Variants in SVEP1 observed in about 807,000 individuals in gnomAD.
SVEP1 encodes the protein sushi, von Willebrand factor type A, EGF and pentraxin domain-containing protein 1.
In SVEP1, 164 loss-of-function variants were observed where a neutral mutation model predicts 367.3. That is an observed-to-expected ratio of 0.45 (90% CI 0.39 to 0.51). The LOEUF (loss-of-function observed/expected upper bound fraction) is 0.51. Among genes scored for constraint, SVEP1 ranks in the 20% least tolerant of loss-of-function variants. SVEP1 has a pLI of 0.00. For synonymous variants in SVEP1, 1,666 were observed against 1,611.6 expected, an observed-to-expected ratio of 1.03 and a Z score of -0.81; for missense variants, 4,117 against 4,425.3, an observed-to-expected ratio of 0.93 and a Z score of 1.98.
chr9:110,515,198 T>C (rs1829783789), intron 3 of SVEP1, among the ~76,000 whole-genome samples: 1 of 152,158 alleles, frequency 6.6e-6, no homozygotes. Flanking sequence ...TCAAGAGACT[T>C]GCAATGCTCA....
Position 110,476,092 on chromosome 9 carries a change from T to G in SVEP1, c.2599+112A>C, listed in dbSNP as rs1258588867. 6.2e-6 allele frequency: 4 copies of G among 641,772 alleles called. No homozygotes were observed. In the African/African-American group the frequency reaches 7.4e-5, roughly 12 times the overall value. The allele number at this position is 641,772 out of a possible 1,614,324, so 39.8% of individuals were successfully genotyped here. The stretch of plus-strand genomic sequence containing the variant: ...AAATTATTTAGCCATCCTAAAATAC[T>G]TGATGAATAAATTAATAGAAGTTAA... On this transcript the variant is annotated intron_variant, in intron 14 of 47. Transcript: ENST00000374469.
intron 35 of SVEP1, among the ~76,000 whole-genome samples, chr9:110,428,429 C>CACACACACAA (rs60798857): frequency 0.011 from 1,606 of 151,198 alleles, 27 homozygotes; most frequent in African/African-American, 0.032. Flanking sequence ...CACACACACA[C>CACACACACAA]CATTAATCTC....
intron 13 of SVEP1, among the ~76,000 whole-genome samples, chr9:110,478,840 C>T (rs73655367): frequency 0.028 from 4,282 of 152,070 alleles, 192 homozygotes; most frequent in African/African-American, 0.098. Context: ...GTCTGCAGGG[C>T]ATACAAATAT....
chr9:110,521,951 C>G (rs1829881199), intron 3 of SVEP1, among the ~76,000 whole-genome samples: 1 of 152,064 alleles, frequency 6.6e-6, no homozygotes. Flanking sequence ...CAGCTTTTCT[C>G]TAAACATTTT....
chr9:110,507,817 A>G (rs538134565), intron 5 of SVEP1, among the ~76,000 whole-genome samples: 1 of 152,306 alleles, frequency 6.6e-6, no homozygotes, highest in Non-Finnish European at 1.5e-5. Context: ...AAATTTGGAA[A>G]ACCATATTAA....
At position 110,406,562 on chromosome 9, in the gene SVEP1, T is replaced by C; in HGVS notation, c.9038A>G (p.Glu3013Gly). ...ATCTGTCCCATTGACAGTTCCATAT[T>C]CAATTACTGGTGTGGAACATCTGCA... is the stretch of plus-strand genomic sequence containing the variant. ...LPCRCSTPVI[E>G]YGTVNGTDFD... Residue 3013 changes from glutamate to glycine, a missense_variant, in exon 38 of 48, where the codon GAA becomes GGA. Physicochemically the swap from Glu to Gly is moderately conservative, Grantham distance 98 (BLOSUM62 -2). Around this residue, in one of 4 missense-constraint regions of SVEP1, gnomAD observed 1,765 missense variants for 1,781.1 expected, o/e 0.99. Coordinates refer to ENST00000374469, the MANE Select transcript of SVEP1 (RefSeq NM_153366.4). The C allele has an allele frequency of 6.2e-7, 1 of 1,613,608 alleles. No homozygotes were observed. Among genetic ancestry groups the C allele is most frequent in the Non-Finnish European group, 8.5e-7 (1 of 1,179,758 alleles).
At chr9:110,565,821 A>G (rs1588111270) in intron 1 of SVEP1, among the ~76,000 whole-genome samples, 1 of 143,060 alleles carries the variant, frequency 7.0e-6, no homozygotes, top group South Asian at 2.2e-4. Context: ...TTCACTGGTG[A>G]GTATGTATCA....
intron 14 of SVEP1, among the ~76,000 whole-genome samples, chr9:110,474,757 A>C (rs1258613646): frequency 6.6e-6 from 1 of 152,214 alleles, no homozygotes; most frequent in Non-Finnish European, 1.5e-5. Flanking sequence ...AGTGCTGTAC[A>C]TAATAGTAAA....
rs1353519774 is a variant in SVEP1 at position 110,366,555 on chromosome 9, C to T, written c.10700G>A (p.Arg3567Lys). The T allele has an allele frequency of 6.5e-7, 1 of 1,529,606 alleles. No individual in the cohort carries two copies. Among genetic ancestry groups the T allele is most frequent in the Admixed American group, 2.2e-5 (1 of 45,914 alleles). The allele number at this position is 1,529,606 out of a possible 1,614,324, so 94.8% of individuals were successfully genotyped here. A position where few individuals can be genotyped will look rare whatever the true frequency, so the allele number is the denominator to read the frequency against. The change falls in exon 48 of 48, where the codon AGG becomes AAG. Residue 3567 changes from arginine (R) to lysine (K), a missense_variant. Arg to Lys is a conservative substitution (Grantham distance 26). Coordinates refer to ENST00000374469, the MANE Select transcript of SVEP1 (RefSeq NM_153366.4). ...GTGCAGTGGTTAAAACCCAGTCCTCCTTTTCCTGGAAAAAAAAAAAAAAGC... is the reference window on the plus strand; with the variant it reads ...GTGCAGTGGTTAAAACCCAGTCCTCTTTTTCCTGGAAAAAAAAAAAAAAGC... ...SWTGHNCSRKRRTGF is the reference protein window; with the variant it reads ...SWTGHNCSRKKRTGF
Position 110,472,232 on chromosome 9 carries a change from A to G in SVEP1, c.2691T>C (p.Asn897=). Reference sequence around the variant, plus strand: ...TTCTTTTAATCCGTGAGGACTTGGCATTGCCGATGCTTGTGGCTGTTTCTT... The same window carrying G: ...TTCTTTTAATCCGTGAGGACTTGGCGTTGCCGATGCTTGTGGCTGTTTCTT... ...TVQETATSIG[N]AKSSRIKRSA... The change falls in exon 15 of 48, where the codon AAT becomes AAC. Residue 897 remains asparagine (N), a synonymous_variant. Coordinates refer to ENST00000374469, the MANE Select transcript of SVEP1 (RefSeq NM_153366.4). 1 of 1,613,626 alleles carries G rather than the reference A, an allele frequency of 6.2e-7. No individual in the cohort carries two copies. Among genetic ancestry groups the G allele is most frequent in the East Asian group, 2.2e-5 (1 of 44,868 alleles).
intron 9 of SVEP1, among the ~76,000 whole-genome samples, chr9:110,486,564 T>A (rs1223055883): frequency 1.3e-5 from 2 of 151,862 alleles, no homozygotes; most frequent in Non-Finnish European, 2.9e-5. Context: ...TGTCTGTCTC[T>A]CTCACTCCCT....
intron 39 of SVEP1, among the ~76,000 whole-genome samples, chr9:110,402,702 C>A (rs1271777857): frequency 1.3e-5 from 2 of 152,160 alleles, no homozygotes; most frequent in African/African-American, 4.8e-5. Flanking sequence ...ATTTGATTCC[C>A]TTAATTATGG....
At chr9:110,569,571 A>G (rs897936434) in intron 1 of SVEP1, among the ~76,000 whole-genome samples, 87 of 152,332 alleles carry the variant, frequency 5.7e-4, no homozygotes, top group African/African-American at 2.0e-3. Flanking sequence ...AGTAGCTTAC[A>G]ACTGGGAAAA....
intron 18 of SVEP1, among the ~76,000 whole-genome samples, chr9:110,465,462 G>A (rs1203411156): frequency 6.6e-6 from 1 of 152,116 alleles, no homozygotes; most frequent in Non-Finnish European, 1.5e-5. Flanking sequence ...CCTTCAACTC[G>A]TAAGGAATGA....
chr9:110,371,689 C>T (rs1304826646), intron 46 of SVEP1, among the ~76,000 whole-genome samples: 1 of 152,170 alleles, frequency 6.6e-6, no homozygotes, highest in Non-Finnish European at 1.5e-5. Context: ...CACTCCAGTG[C>T]CCAAGCTGGA....
intron 18 of SVEP1, among the ~76,000 whole-genome samples, chr9:110,462,705 C>T (rs1828876020): frequency 6.6e-6 from 1 of 151,496 alleles, no homozygotes; most frequent in Non-Finnish European, 1.5e-5. Flanking sequence ...TTTTCACCTC[C>T]TCTATTGTAG....
At position 110,375,437 on chromosome 9, in the gene SVEP1, C is replaced by T. The variant is rs555132455; in HGVS notation, c.10531G>A (p.Gly3511Arg). 2.3e-5 allele frequency: 30 copies of T among 1,289,466 alleles called. No homozygotes were observed. Among genetic ancestry groups the T allele is most frequent in the African/African-American group, 6.3e-5 (4 of 63,352 alleles). 79.9% of individuals were successfully genotyped at this position (1,289,466 alleles called of 1,614,324 possible). A position where few individuals can be genotyped will look rare whatever the true frequency, so the allele number is the denominator to read the frequency against. Residue 3511 changes from glycine (G) to arginine (R), a missense_variant, in exon 46 of 48, where the codon GGA becomes AGA. Transcript: ENST00000374469. Reference sequence around the variant, plus strand: ...TGGTAAGGGGCCACACAGCGACCTCCGTTCAGACAGGGAAGAATGCAGATT... The same window carrying T: ...TGGTAAGGGGCCACACAGCGACCTCTGTTCAGACAGGGAAGAATGCAGATT... ...EPICILPCLN[G>R]GRCVAPYQCD...
At chr9:110,388,201 G>A (rs1239333115) in intron 41 of SVEP1, among the ~76,000 whole-genome samples, 2 of 152,096 alleles carry the variant, frequency 1.3e-5, no homozygotes, top group Non-Finnish European at 2.9e-5. Context: ...TAGAATAAAT[G>A]ACATTTTATA....
chr9:110,579,646 G>A lies in SVEP1; in HGVS notation c.-103C>T. On this transcript the variant is annotated 5_prime_UTR_variant, in exon 1 of 48. Transcript: ENST00000374469. This position sits in a 1 kb window ranked among gnomAD's most constrained non-coding sequence, Gnocchi z 5.3. The stretch of plus-strand genomic sequence containing the variant: ...CAGAGGGGCGTGCGCGGAGCTGGGC[G>A]CGGGGCAGCGGCCAAGAGCCTCAGC... 3.7e-6 allele frequency: 5 copies of A among 1,343,046 alleles called. No homozygotes were observed. The South Asian group carries it at 6.4e-5, about 17-fold the overall frequency. 83.2% of individuals were successfully genotyped at this position (1,343,046 alleles called of 1,614,324 possible).
Sources: allele counts gnomAD v4.1 joint callset (sites outside exome capture counted in the v4.1 genomes callset), GRCh38; gene constraint gnomAD v4.1.1; regional missense constraint gnomAD v4.1.1; non-coding constraint Gnocchi (gnomAD v3.1); transcripts MANE v1.5; gene names NCBI Gene and HGNC (gene_info 2026-07-23, HGNC 2026-07-21).